RARB: variants seen among roughly 807,000 people sequenced by gnomAD.
The protein encoded by RARB is HBV-activated protein.
In RARB, 17 loss-of-function variants were observed where a neutral mutation model predicts 51.9. The ratio of observed to expected loss-of-function variants is 0.33; its 90% CI spans 0.22 to 0.49. The LOEUF (loss-of-function observed/expected upper bound fraction) is 0.49, where lower values mean the gene tolerates loss of function less well. Among genes scored for constraint, RARB ranks in the 20% least tolerant of loss-of-function variants. RARB has a pLI of 0.99. For missense variants in RARB, 369 were observed against 550.8 expected (o/e 0.67, Z 3.30); for synonymous variants, 215 against 195.4 (o/e 1.10, Z -0.84).
chr3:25,108,237 G>T (rs1202929774), intron 3 of RARB, among the ~76,000 whole-genome samples: 1 of 152,088 alleles, frequency 6.6e-6, no homozygotes, highest in South Asian at 2.1e-4. Context: ...ATGGTTGATC[G>T]TGGGTGACTG....
chr3:24,938,541 A>G (rs751615512), intron 2 of RARB, among the ~76,000 whole-genome samples: 4 of 152,232 alleles, frequency 2.6e-5, no homozygotes, highest in Non-Finnish European at 5.9e-5. Flanking sequence ...AAACCCAGAG[A>G]GACTATTATA....
intron 5 of RARB, among the ~76,000 whole-genome samples, chr3:25,192,400 G>T (rs1176943547): frequency 6.6e-6 from 1 of 152,088 alleles, no homozygotes; most frequent in African/African-American, 2.4e-5. Flanking sequence ...GAATGGAAGG[G>T]AAATGATGGA....
At chr3:24,910,564 A>G (rs1012804650) in intron 2 of RARB, among the ~76,000 whole-genome samples, 4 of 152,190 alleles carry the variant, frequency 2.6e-5, no homozygotes, top group African/African-American at 7.2e-5. Context: ...TCCCCAATCC[A>G]ATATCCCAGA....
chr3:25,188,165 G>A (rs1050685083), intron 5 of RARB, among the ~76,000 whole-genome samples: 10 of 152,138 alleles, frequency 6.6e-5, no homozygotes, highest in Non-Finnish European at 1.5e-4. Context: ...ATTCTAGCAA[G>A]CATATTAATA....
At chr3:25,314,238 G>C (rs1368368542) in intron 5 of RARB, among the ~76,000 whole-genome samples, 1 of 151,750 alleles carries the variant, frequency 6.6e-6, no homozygotes, top group Non-Finnish European at 1.5e-5. Context: ...TATTTTCCTA[G>C]AATTTTTAGC....
intron 5 of RARB, among the ~76,000 whole-genome samples, chr3:25,247,057 C>A (rs1023302732): frequency 6.6e-6 from 1 of 152,230 alleles, no homozygotes; most frequent in Non-Finnish European, 1.5e-5. Flanking sequence ...CTGGCTACAG[C>A]AGCTTTGTGG....
chr3:24,882,972 G>A (rs988479974), intron 2 of RARB, among the ~76,000 whole-genome samples: 2 of 152,132 alleles, frequency 1.3e-5, no homozygotes, highest in Non-Finnish European at 2.9e-5. Context: ...CTGATGGGTG[G>A]TGGTGAGGCG....
At chr3:25,111,865 C>T (rs549974849) in intron 3 of RARB, among the ~76,000 whole-genome samples, 4 of 152,144 alleles carry the variant, frequency 2.6e-5, no homozygotes, top group East Asian at 3.9e-4. Flanking sequence ...TGTGAGCCAT[C>T]GGGCCCGACT....
chr3:25,170,374 G>A (rs576669266), intron 4 of RARB, among the ~76,000 whole-genome samples: 18 of 152,240 alleles, frequency 1.2e-4, no homozygotes, highest in African/African-American at 4.3e-4. Context: ...CTGCATCGGA[G>A]TCCTCTGGAG....
At chr3:25,578,383 A>G (rs1294207440) in intron 4 of RARB, among the ~76,000 whole-genome samples, 1 of 152,242 alleles carries the variant, frequency 6.6e-6, no homozygotes. Context: ...AGAAGGTACG[A>G]CAGGCTCCTC....
chr3:24,906,891 T>A (rs1406174266), intron 2 of RARB, among the ~76,000 whole-genome samples: 1 of 145,994 alleles, frequency 6.8e-6, no homozygotes. Flanking sequence ...ACTAATCATA[T>A]GAGTCAAATC....
At position 25,580,550 on chromosome 3, in the gene RARB, C is replaced by T. The variant is rs1701131050; in HGVS notation, c.614C>T (p.Ser205Phe). The stretch of plus-strand genomic sequence containing the variant: ...GACATTTTCTCTCTCTCCTAGAATT[C>T]CAGTGCTGACCATCGAGTCCGACTG... Reference protein sequence around the residue: ...LCQLGKYTTNSSADHRVRLDL... With the variant: ...LCQLGKYTTNFSADHRVRLDL... Residue 205 changes from serine to phenylalanine, a missense_variant, in exon 5 of 8, where the codon TCC becomes TTC. Around this residue, in one of 9 missense-constraint regions of RARB, gnomAD observed 49 missense variants for 103.4 expected, o/e 0.47. Coordinates refer to ENST00000330688, the MANE Select transcript of RARB (RefSeq NM_000965.5). The T allele has an allele frequency of 6.3e-7, 1 of 1,589,076 alleles. No homozygotes were observed. Among genetic ancestry groups the T allele is most frequent in the South Asian group, 1.1e-5 (1 of 89,102 alleles).
intron 3 of RARB, among the ~76,000 whole-genome samples, chr3:25,543,001 C>T (rs533117383): frequency 1.3e-5 from 2 of 152,264 alleles, no homozygotes; most frequent in South Asian, 4.1e-4. Context: ...TTTGTGTATA[C>T]CCATGGACAC....
At chr3:25,550,598 T>A (rs1699808041) in intron 3 of RARB, among the ~76,000 whole-genome samples, 1 of 152,188 alleles carries the variant, frequency 6.6e-6, no homozygotes, top group African/African-American at 2.4e-5. Flanking sequence ...CATCGGGGAT[T>A]AGGTTTCACT....
At chr3:25,215,630 G>C (rs1208268036) in intron 5 of RARB, among the ~76,000 whole-genome samples, 1 of 152,118 alleles carries the variant, frequency 6.6e-6, no homozygotes, top group East Asian at 1.9e-4. Context: ...ACAGCATGTT[G>C]GAGGGTATTA....
chr3:25,016,706 G>T (rs1697516451), intron 2 of RARB, among the ~76,000 whole-genome samples: 1 of 152,026 alleles, frequency 6.6e-6, no homozygotes. Context: ...TTCAATCATG[G>T]TCAATATAGC....
Position 25,182,093 on chromosome 3 carries a change from A to G in RARB, c.178+7518A>G, listed in dbSNP as rs556066848. 1.8e-4 allele frequency among the ~76,000 whole-genome samples: 28 copies of G among 152,312 alleles called. No homozygotes were observed. In the South Asian group the frequency reaches 5.4e-3, roughly 29 times the overall value. On this transcript the variant is annotated intron_variant, in intron 5 of 11. Transcript: ENST00000383772. ...AATTACATGTAGGTGTAGGTGGCCT[A>G]TATTACCTATGACTTTCATTTTGGA...
At chr3:25,010,885 T>C (rs896362991) in intron 2 of RARB, among the ~76,000 whole-genome samples, 2 of 152,132 alleles carry the variant, frequency 1.3e-5, no homozygotes, top group Non-Finnish European at 2.9e-5. Context: ...TTTAGTATTA[T>C]CTTTCTACCA....
At chr3:25,432,406 A>C (rs537629277) in intron 1 of RARB, among the ~76,000 whole-genome samples, 1 of 152,304 alleles carries the variant, frequency 6.6e-6, no homozygotes, top group South Asian at 2.1e-4. Context: ...TGGAAGCTTT[A>C]GTTAGAATTT....
Sources: allele counts gnomAD v4.1 joint callset (sites outside exome capture counted in the v4.1 genomes callset), GRCh38; gene constraint gnomAD v4.1.1; regional missense constraint gnomAD v4.1.1; transcripts MANE v1.5; gene names NCBI Gene and HGNC (gene_info 2026-07-23, HGNC 2026-07-21).